The following CDH23 variants were observed in gnomAD, a reference collection of about 807,000 sequenced individuals.
CDH23 encodes the protein cadherin related 23, also known as cadherin-23.
In CDH23, 189 loss-of-function variants were observed where a neutral mutation model predicts 317.1. That is an observed-to-expected ratio of 0.60 (90% confidence interval 0.53 to 0.67). The LOEUF (loss-of-function observed/expected upper bound fraction) is 0.67. Among genes scored for constraint, CDH23 ranks in the 30% least tolerant of loss-of-function variants. CDH23 has a pLI of 0.00. For synonymous variants in CDH23, 1,839 were observed against 1,876.8 expected, an observed-to-expected ratio of 0.98 and a Z score of 0.52; for missense variants, 4,401 against 4,592.4, an observed-to-expected ratio of 0.96 and a Z score of 1.20.
At chr10:71,693,020 C>T (rs1325880919) in intron 20 of CDH23, among the ~76,000 whole-genome samples, 16 of 152,202 alleles carry the variant, frequency 1.1e-4, no homozygotes, top group Non-Finnish European at 1.5e-5. Context: ...TTCTCCAAGG[C>T]CAAGCGTCTG....
At chr10:71,531,550 G>A (rs1353885720) in intron 6 of CDH23, among the ~76,000 whole-genome samples, 1 of 152,132 alleles carries the variant, frequency 6.6e-6, no homozygotes, top group Non-Finnish European at 1.5e-5. Context: ...CCCCACTAGA[G>A]TGACTGCTCT....
intron 39 of CDH23, 103 bp downstream of exon 39, chr10:71,778,004 G>C: frequency 6.9e-7 from 1 of 1,459,076 alleles, no homozygotes; most frequent in Non-Finnish European, 9.4e-7. Context: ...ATGCAGTCTA[G>C]GGGAAACTGT....
chr10:71,798,270 C>A, intron 49 of CDH23, 84 bp from the exon 50 acceptor site: 1 of 1,018,594 alleles, frequency 9.8e-7, no homozygotes, highest in Non-Finnish European at 1.5e-6. Context: ...GCCATGCTCA[C>A]CCGGCTTGGC....
At chr10:71,530,056 C>T (rs1050943879) in intron 6 of CDH23, among the ~76,000 whole-genome samples, 2 of 151,766 alleles carry the variant, frequency 1.3e-5, no homozygotes, top group African/African-American at 4.8e-5. Context: ...CACACACACA[C>T]ACACACACAC....
intron 3 of CDH23, among the ~76,000 whole-genome samples, chr10:71,460,379 G>T (rs1429751128): frequency 6.6e-6 from 1 of 152,236 alleles, no homozygotes; most frequent in Non-Finnish European, 1.5e-5. Context: ...ACCGCCTGTG[G>T]GCCCTCCTTT....
chr10:71,695,868 C>CCCACCCCTACACTGCACAAGCCCCAGCT (rs1865369739), intron 22 of CDH23, among the ~76,000 whole-genome samples: 1 of 152,154 alleles, frequency 6.6e-6, no homozygotes, highest in African/African-American at 2.4e-5. Context: ...CTGGAGAGCT[C>CCCACCCCTACACTGCACAAGCCCCAGCT]CCACCCCTAC....
chr10:71,702,756 T>G (rs1865640375), intron 24 of CDH23, 62 bp downstream of exon 24: 1 of 1,595,034 alleles, frequency 6.3e-7, no homozygotes. Flanking sequence ...CTGAGGAGCC[T>G]AGCCCAGGCT....
chr10:71,794,327 C>T (rs1276983876), intron 48 of CDH23, among the ~76,000 whole-genome samples: 2 of 152,224 alleles, frequency 1.3e-5, no homozygotes, highest in East Asian at 3.8e-4. Flanking sequence ...ATATGCATTT[C>T]TTTACTAACT....
At chr10:71,543,038 A>G (rs1856069162) in intron 6 of CDH23, among the ~76,000 whole-genome samples, 2 of 152,194 alleles carry the variant, frequency 1.3e-5, no homozygotes, top group Non-Finnish European at 2.9e-5. Flanking sequence ...GCAGTGCTCT[A>G]AGGTCATTGT....
intron 9 of CDH23, among the ~76,000 whole-genome samples, chr10:71,583,857 A>C (rs1402762547): frequency 6.6e-6 from 1 of 152,180 alleles, no homozygotes; most frequent in African/African-American, 2.4e-5. Flanking sequence ...CAATAGTCAC[A>C]GCTACTAAGA....
intron 11 of CDH23, among the ~76,000 whole-genome samples, chr10:71,639,508 C>T (rs1022256274): frequency 3.9e-5 from 6 of 152,222 alleles, no homozygotes; most frequent in Non-Finnish European, 7.3e-5. Context: ...CTCCTGGCAT[C>T]GCACTTGGAG....
intron 14 of CDH23, among the ~76,000 whole-genome samples, chr10:71,663,297 C>T (rs544688983): frequency 4.0e-4 from 61 of 152,270 alleles, no homozygotes; most frequent in African/African-American, 1.2e-3. Context: ...TGCCGGCTTT[C>T]GTATTTTCTC....
intron 8 of CDH23, 32 bp from the exon 9 acceptor site, chr10:71,577,882 C>A: frequency 6.4e-7 from 1 of 1,551,292 alleles, no homozygotes; most frequent in Non-Finnish European, 8.8e-7. Context: ...GCCAGGGGAC[C>A]CAAACTCAAG....
chr10:71,725,597 T>C, intron 30 of CDH23, 77 bp downstream of exon 30: 7 of 1,504,632 alleles, frequency 4.7e-6, no homozygotes, highest in African/African-American at 2.8e-5. Context: ...AGGCCATTAG[T>C]TGGCGCCTGG....
chr10:71,520,828 C>A (rs1327514912), intron 6 of CDH23, among the ~76,000 whole-genome samples: 1 of 152,190 alleles, frequency 6.6e-6, no homozygotes, highest in African/African-American at 2.4e-5. Context: ...AGCCTGGGGA[C>A]AGGCCTGGCA....
intron 9 of CDH23, among the ~76,000 whole-genome samples, chr10:71,582,730 GTGGAC>G (rs1858727215): frequency 6.6e-6 from 1 of 152,202 alleles, no homozygotes; most frequent in Non-Finnish European, 1.5e-5. Flanking sequence ...ACTGAGCAGC[GTGGAC>G]TCTTCATTCC....
chr10:71,426,788 T>C (rs926062526), intron 1 of CDH23, among the ~76,000 whole-genome samples: 2 of 152,194 alleles, frequency 1.3e-5, no homozygotes, highest in Non-Finnish European at 2.9e-5. Flanking sequence ...CAATGGTTAT[T>C]AGGGCATGCA....
chr10:71,536,171 G>A (rs1855690061), intron 6 of CDH23, among the ~76,000 whole-genome samples: 1 of 152,256 alleles, frequency 6.6e-6, no homozygotes, highest in African/African-American at 2.4e-5. Flanking sequence ...AGGAGGCACA[G>A]GGAGGGTTAC....
chr10:71,766,513 T>C (rs1020780004), intron 38 of CDH23, among the ~76,000 whole-genome samples: 1 of 152,208 alleles, frequency 6.6e-6, no homozygotes, highest in Non-Finnish European at 1.5e-5. Context: ...GCCCTCATTG[T>C]GTGCCCTTGG....
Sources: allele counts gnomAD v4.1 joint callset (sites outside exome capture counted in the v4.1 genomes callset), GRCh38; gene constraint gnomAD v4.1.1; transcripts MANE v1.5; gene names NCBI Gene and HGNC (gene_info 2026-07-23, HGNC 2026-07-21).